The following XRRA1 variants were observed in gnomAD, a reference collection of about 807,000 sequenced individuals.
The protein encoded by XRRA1 is X-ray radiation resistance associated 1.
Under a neutral mutation model 80.2 loss-of-function variants are expected in XRRA1, and 69 were observed. The ratio of observed to expected loss-of-function variants is 0.86; its 90% CI spans 0.71 to 1.05. XRRA1 has a LOEUF of 1.05. Ranked by LOEUF, XRRA1 falls within the 50% of genes least tolerant of loss-of-function variation. The pLI is 0.00. For missense variants in XRRA1, 967 were observed against 976.4 expected, an observed-to-expected ratio of 0.99 and a Z score of 0.13; for synonymous variants, 348 against 389.9, an observed-to-expected ratio of 0.89 and a Z score of 1.27.
At chr11:74,929,529 C>T (rs184238268) in intron 6 of XRRA1, among the ~76,000 whole-genome samples, 120 of 152,316 alleles carry the variant, frequency 7.9e-4, no homozygotes, top group African/African-American at 2.8e-3. Flanking sequence ...ATAATCCAGT[C>T]GCTGCCAATC....
At chr11:74,931,110 A>G (rs535523581) in intron 5 of XRRA1, among the ~76,000 whole-genome samples, 26 of 141,558 alleles carry the variant, frequency 1.8e-4, no homozygotes, top group African/African-American at 6.4e-4. Flanking sequence ...CCCAGCTCCC[A>G]TATCTTTTTT....
At chr11:74,911,318 C>T (rs569171662) in intron 8 of XRRA1, 5 of 152,212 alleles carry the variant, frequency 3.3e-5, no homozygotes, top group Non-Finnish European at 7.3e-5. Context: ...CTCAAACAAT[C>T]CTCCTGCCTC....
At chr11:74,945,150 TTA>T (rs765907173) in intron 1 of XRRA1, 65 bp from the exon 2 acceptor site, 3 of 152,600 alleles carry the variant, frequency 2.0e-5, no homozygotes, top group Non-Finnish European at 2.9e-5. Context: ...TCCTCATTAA[TTA>T]TATTCTACTG....
At chr11:74,944,541 T>TA (rs2140056443) in intron 2 of XRRA1, among the ~76,000 whole-genome samples, 1 of 152,354 alleles carries the variant, frequency 6.6e-6, no homozygotes, top group East Asian at 1.9e-4. Flanking sequence ...CAGGGCACTA[T>TA]GAGTTTCCTG....
intron 11 of XRRA1, among the ~76,000 whole-genome samples, chr11:74,862,048 G>C (rs1278789372): frequency 6.6e-6 from 1 of 152,226 alleles, no homozygotes; most frequent in African/African-American, 2.4e-5. Context: ...ATGTGGAGAA[G>C]TGACACTATT....
chr11:74,866,147 G>C (rs1340879863), intron 10 of XRRA1, among the ~76,000 whole-genome samples: 1 of 152,156 alleles, frequency 6.6e-6, no homozygotes, highest in Non-Finnish European at 1.5e-5. Flanking sequence ...TCACCAAACA[G>C]ACAAAATAAG....
rs1565315873 is a variant in XRRA1, at chr11:74,883,446, A to C, written c.1004-20425T>G. On this transcript the variant is annotated intron_variant, in intron 10 of 18. Coordinates refer to ENST00000684022, the MANE Select transcript of XRRA1 (RefSeq NM_001378157.1). ...TAGTGAGATGAACCCGGTACCTCAGATGGAAATGCAGAAATCACCCGTCTT... is the reference window on the plus strand; with the variant it reads ...TAGTGAGATGAACCCGGTACCTCAGCTGGAAATGCAGAAATCACCCGTCTT... 2.0e-5 allele frequency among the ~76,000 whole-genome samples: 3 copies of C among 151,612 alleles called. No individual in the cohort carries two copies. The East Asian group carries it at 5.8e-4, about 29-fold the overall frequency.
intron 1 of XRRA1, among the ~76,000 whole-genome samples, chr11:74,945,467 A>G (rs1947315112): frequency 6.6e-6 from 1 of 152,224 alleles, no homozygotes; most frequent in Admixed American, 6.5e-5. Flanking sequence ...GATATTTGCC[A>G]TGCATATAAT....
At chr11:74,930,191 AAG>A in intron 6 of XRRA1, 107 bp downstream of exon 6, 2 of 946,658 alleles carry the variant, frequency 2.1e-6, no homozygotes, top group South Asian at 3.0e-5. Flanking sequence ...TACTCCAAAA[AAG>A]AGATGTGTGG....
chr11:74,948,112 A>G (rs1403125617), intron 1 of XRRA1, among the ~76,000 whole-genome samples: 1 of 152,244 alleles, frequency 6.6e-6, no homozygotes, highest in African/African-American at 2.4e-5. Flanking sequence ...TGCCTGTTAC[A>G]TAGTAAGAAA....
chr11:74,853,344 C>T (rs1459959176), intron 12 of XRRA1, among the ~76,000 whole-genome samples: 2 of 152,158 alleles, frequency 1.3e-5, no homozygotes, highest in African/African-American at 4.8e-5. Flanking sequence ...CATTTCTCTA[C>T]CTCTAGCACA....
Position 74,921,340 on chromosome 11 carries a change from T to C in XRRA1, c.530A>G (p.Asp177Gly). The C allele has an allele frequency of 3.1e-6, 5 of 1,613,842 alleles. No individual in the cohort carries two copies. The highest frequency in any genetic ancestry group is 4.2e-6 in the Non-Finnish European group (5 of 1,179,832). Residue 177 changes from aspartate to glycine, a missense_variant, in exon 8 of 19, where the codon GAC (aspartate) becomes GGC (glycine). Transcript: ENST00000684022. ...CACAGTCAGGCTGTTGAAGGAAAGG[T>C]CCAAGAACTGCCATGCAAAGATGAA... Reference protein sequence around the residue: ...YGDFKLLEFLDLSFNSLTVEA... With the variant: ...YGDFKLLEFLGLSFNSLTVEA...
chr11:74,867,507 CTCAG>C (rs1300358265), intron 10 of XRRA1, among the ~76,000 whole-genome samples: 1 of 152,098 alleles, frequency 6.6e-6, no homozygotes, highest in African/African-American at 2.4e-5. Flanking sequence ...TTCAAAATAA[CTCAG>C]TCAGACCAAA....
At chr11:74,937,944 T>C (rs1326773807) in intron 3 of XRRA1, among the ~76,000 whole-genome samples, 2 of 152,228 alleles carry the variant, frequency 1.3e-5, no homozygotes, top group African/African-American at 4.8e-5. Context: ...GAATGAACCC[T>C]GTCTTATAGC....
chr11:74,859,825 A>G (rs947835), intron 11 of XRRA1, among the ~76,000 whole-genome samples: 146,129 of 152,124 alleles, frequency 0.96, 70,243 homozygotes, highest in East Asian at 1. Context: ...AATGACTTCA[A>G]CCTGCCCGTG....
chr11:74,876,695 G>C (rs1456399591), intron 10 of XRRA1: 1 of 152,214 alleles, frequency 6.6e-6, no homozygotes, highest in East Asian at 1.9e-4. Flanking sequence ...AAACCTGAGA[G>C]AGAGAGCAAC....
At chr11:74,877,536 T>C (rs1241893892) in intron 10 of XRRA1, among the ~76,000 whole-genome samples, 1 of 151,932 alleles carries the variant, frequency 6.6e-6, no homozygotes, top group Non-Finnish European at 1.5e-5. Flanking sequence ...TATGTATACA[T>C]GTGCCATGCT....
intron 5 of XRRA1, among the ~76,000 whole-genome samples, chr11:74,930,613 A>G (rs1163170146): frequency 1.3e-5 from 2 of 152,144 alleles, no homozygotes; most frequent in Non-Finnish European, 2.9e-5. Context: ...CCATATAACC[A>G]CTATCCAGAG....
intron 10 of XRRA1, among the ~76,000 whole-genome samples, chr11:74,898,916 A>G (rs1227082686): frequency 1.3e-5 from 2 of 152,184 alleles, no homozygotes; most frequent in East Asian, 1.9e-4. Context: ...GACTTAACAG[A>G]TATTTACAGA....
Sources: allele counts gnomAD v4.1 joint callset (sites outside exome capture counted in the v4.1 genomes callset), GRCh38; gene constraint gnomAD v4.1.1; transcripts MANE v1.5; gene names NCBI Gene and HGNC (gene_info 2026-07-23, HGNC 2026-07-21).